The following CPA6 variants were observed in gnomAD, a reference collection of about 807,000 sequenced individuals.
CPA6 encodes the protein carboxypeptidase B.
CPA6 carries 58 observed loss-of-function variants against 63.3 expected under a neutral mutation model. That is an observed-to-expected ratio of 0.92 (90% CI 0.74 to 1.14). The LOEUF (loss-of-function observed/expected upper bound fraction) is 1.14. CPA6 is among the 50% of genes most tolerant of loss of function. The pLI is 0.00. For missense variants in CPA6, 565 were observed against 526.6 expected (o/e 1.07, Z -0.71); for synonymous variants, 185 against 179.0 (o/e 1.03, Z -0.27).
At chr8:67,661,029 T>G (rs1273237045) in intron 1 of CPA6, among the ~76,000 whole-genome samples, 1 of 152,200 alleles carries the variant, frequency 6.6e-6, no homozygotes, top group Non-Finnish European at 1.5e-5. Context: ...TTCATCCCTT[T>G]AGTCATTTAT....
chr8:67,590,577 C>G (rs1814092065), intron 2 of CPA6, among the ~76,000 whole-genome samples: 1 of 152,126 alleles, frequency 6.6e-6, no homozygotes, highest in Non-Finnish European at 1.5e-5. Context: ...TTAATGATTG[C>G]CATTCTAACT....
At position 67,704,403 on chromosome 8, in the gene CPA6, T is replaced by C. The variant is rs142668283; in HGVS notation, c.116+41611A>G. Among the ~76,000 whole-genome samples, 1,069 of 152,294 alleles carry C rather than the reference T, an allele frequency of 7.0e-3. 15 individuals are homozygous for C. Among genetic ancestry groups the C allele is most frequent in the Middle Eastern group, 0.02 (6 of 294 alleles). On this transcript the variant is annotated intron_variant, in intron 1 of 10. Transcript: ENST00000297770. ...TTAAAAAGCATGGGAAATGGAATTATAAGAAAAGAGAGAATCATTTTGTGC... is the reference window on the plus strand; with the variant it reads ...TTAAAAAGCATGGGAAATGGAATTACAAGAAAAGAGAGAATCATTTTGTGC...
At chr8:67,730,238 G>C (rs1169087479) in intron 1 of CPA6, among the ~76,000 whole-genome samples, 1 of 152,086 alleles carries the variant, frequency 6.6e-6, no homozygotes, top group Non-Finnish European at 1.5e-5. Context: ...CTCCTCCCTT[G>C]GGTTTGGTTA....
chr8:67,651,527 T>A (rs1815837428), intron 1 of CPA6, among the ~76,000 whole-genome samples: 1 of 152,114 alleles, frequency 6.6e-6, no homozygotes, highest in Admixed American at 6.6e-5. Context: ...GGCTTCATGA[T>A]TTTTTGTTTT....
chr8:67,608,936 G>A (rs1388987974), intron 2 of CPA6, among the ~76,000 whole-genome samples: 1 of 152,214 alleles, frequency 6.6e-6, no homozygotes, highest in Non-Finnish European at 1.5e-5. Context: ...CCCATGTGGA[G>A]GAGAAGACAG....
chr8:67,622,111 C>T (rs964273855), intron 2 of CPA6, among the ~76,000 whole-genome samples: 2 of 152,172 alleles, frequency 1.3e-5, no homozygotes, highest in African/African-American at 2.4e-5. Context: ...AGGCCTAACA[C>T]GTAAATAGAT....
At chr8:67,709,184 A>G (rs986889217) in intron 1 of CPA6, among the ~76,000 whole-genome samples, 13 of 152,202 alleles carry the variant, frequency 8.5e-5, no homozygotes, top group Non-Finnish European at 1.5e-4. Context: ...CCCCTGTCAC[A>G]TGCTAGCAGG....
At chr8:67,690,553 T>C (rs1816795084) in intron 1 of CPA6, among the ~76,000 whole-genome samples, 1 of 152,178 alleles carries the variant, frequency 6.6e-6, no homozygotes, top group African/African-American at 2.4e-5. Flanking sequence ...GAAGCAATAT[T>C]AGTGTTCAGA....
At chr8:67,585,724 C>T (rs973004305) in intron 2 of CPA6, among the ~76,000 whole-genome samples, 38 of 151,930 alleles carry the variant, frequency 2.5e-4, no homozygotes, top group Admixed American at 3.3e-4. Flanking sequence ...ACGTAAGTGT[C>T]CTTCGTTGTG....
chr8:67,497,925 C>T (rs952837037), intron 6 of CPA6, among the ~76,000 whole-genome samples: 3 of 568 alleles, frequency 5.3e-3, no homozygotes, highest in African/African-American at 0.025. Context: ...CTCCTGGCCT[C>T]AAGTGATTCA....
Position 67,746,024 on chromosome 8 carries a change from G to C in CPA6, c.106C>G (p.Arg36Gly), listed in dbSNP as rs752233230. The change falls in exon 1 of 11, where the codon CGC becomes GGC. Residue 36 changes from arginine to glycine, a missense_variant. Physicochemically the swap from Arg to Gly is moderately radical, Grantham distance 125. Coordinates refer to ENST00000297770, the MANE Select transcript of CPA6 (RefSeq NM_020361.5). ...TGTCGCTCCACTTACCCAGCATAGC[G>C]GTTGTTATAAAGGTGGCTGTGCCCC... ...QPGHSHLYNN[R>G]YAGDKVIRFI... 1 of 1,612,778 alleles carries C rather than the reference G, an allele frequency of 6.2e-7. No homozygotes were observed. The highest frequency in any genetic ancestry group is 8.5e-7 in the Non-Finnish European group (1 of 1,178,966).
intron 8 of CPA6, among the ~76,000 whole-genome samples, chr8:67,444,049 T>C (rs1455699351): frequency 2.0e-5 from 3 of 150,736 alleles, no homozygotes; most frequent in Admixed American, 6.6e-5. Context: ...TGGAGTGCAG[T>C]GGTGCAATCT....
At chr8:67,484,819 A>C (rs780742868) in intron 6 of CPA6, 30 bp from the exon 7 acceptor site, 2 of 1,287,038 alleles carry the variant, frequency 1.6e-6, no homozygotes, top group Non-Finnish European at 2.2e-6. Flanking sequence ...TTTTTCTTTT[A>C]AATTGGTCCC....
rs58688741 is a variant in CPA6 at position 67,645,130 on chromosome 8, G to A, written c.117-20879C>T. Among the ~76,000 whole-genome samples the A allele has an allele frequency of 6.4e-3, 978 of 152,260 alleles. 13 individuals carry two copies. Among genetic ancestry groups the A allele is most frequent in the African/African-American group, 0.022 (933 of 41,526 alleles). Reference sequence around the variant, plus strand: ...AAAAGCAATAATTAAATGAGGCACCGCAAGCCTGAGGTAGGACTTCATGTC... The same window carrying A: ...AAAAGCAATAATTAAATGAGGCACCACAAGCCTGAGGTAGGACTTCATGTC... On this transcript the variant is annotated intron_variant, in intron 1 of 10. Transcript: ENST00000297770.
chr8:67,640,781 C>T (rs1177371526), intron 1 of CPA6, among the ~76,000 whole-genome samples: 1 of 151,534 alleles, frequency 6.6e-6, no homozygotes, highest in African/African-American at 2.4e-5. Context: ...GTGTGCAGTC[C>T]CAGCCCTACC....
At chr8:67,590,665 CTT>C (rs1481429693) in intron 2 of CPA6, among the ~76,000 whole-genome samples, 8 of 152,136 alleles carry the variant, frequency 5.3e-5, no homozygotes, top group African/African-American at 1.9e-4. Context: ...TTTCATGTGT[CTT>C]TTGGCTGCAT....
chr8:67,536,565 G>A (rs183165716), intron 2 of CPA6, among the ~76,000 whole-genome samples: 1 of 152,318 alleles, frequency 6.6e-6, no homozygotes, highest in African/African-American at 2.4e-5. Flanking sequence ...AGACTTTGCC[G>A]AAGTTGCTTA....
chr8:67,723,598 T>C (rs1165984958), intron 1 of CPA6, among the ~76,000 whole-genome samples: 2 of 152,194 alleles, frequency 1.3e-5, no homozygotes, highest in African/African-American at 4.8e-5. Flanking sequence ...TTTCTATCTA[T>C]GGGAAAAATT....
At chr8:67,691,555 T>C (rs769597433) in intron 1 of CPA6, among the ~76,000 whole-genome samples, 7 of 152,098 alleles carry the variant, frequency 4.6e-5, no homozygotes, top group Non-Finnish European at 7.4e-5. Context: ...CCCTGAGTGT[T>C]TGTGGGAGCA....
Sources: gnomAD v4.1 joint callset for allele counts (sites outside exome capture counted in the v4.1 genomes callset) on GRCh38, gnomAD v4.1.1 for gene constraint, MANE v1.5 for transcripts, NCBI Gene and HGNC (gene_info 2026-07-23, HGNC 2026-07-21) for gene names.